ZSCAN31: variants seen among roughly 807,000 people sequenced by gnomAD.
ZSCAN31 encodes zinc finger and SCAN domain containing 31.
ZSCAN31 carries 14 observed loss-of-function variants against 22.5 expected under a neutral mutation model. The observed-to-expected ratio is 0.62, with a 90% CI of 0.41 to 0.97. ZSCAN31 has a LOEUF of 0.97. Ranked by LOEUF, ZSCAN31 falls within the 50% of genes least tolerant of loss-of-function variation. The probability of loss-of-function intolerance (pLI) is 0.00; values close to 1 mark genes in which losing one functional copy is unlikely to be tolerated. For missense variants in ZSCAN31, 424 were observed against 483.4 expected (o/e 0.88, Z 1.15); for synonymous variants, 168 against 169.8 (o/e 0.99, Z 0.08).
chr6:28,355,081 C>A (rs891748875), upstream of ZSCAN31, among the ~76,000 whole-genome samples: 4 of 152,164 alleles, frequency 2.6e-5, no homozygotes, highest in African/African-American at 9.7e-5. Flanking sequence ...TGTACCATGC[C>A]CCATTGGGAA....
At position 28,326,556 on chromosome 6, in the gene ZSCAN31, G is replaced by A; in HGVS notation, c.831C>T (p.Ser277=). The change falls in exon 4 of 4, where the codon AGC becomes AGT. Residue 277 remains serine (S), a synonymous_variant. Transcript: ENST00000344279. ...GATGTTCATTCAGGCTTGACCTCCG[G>A]CTGAAGGCCTTCCCACATTCTTCAC... ...YECEECGKAF[S]RRSSLNEHRR... 1 of 1,614,032 alleles carries A rather than the reference G, an allele frequency of 6.2e-7. No homozygotes were observed. Among genetic ancestry groups the A allele is most frequent in the East Asian group, 2.2e-5 (1 of 44,864 alleles).
chr6:28,344,430 A>T (rs894362654), intron 2 of ZSCAN31, among the ~76,000 whole-genome samples: 123 of 152,200 alleles, frequency 8.1e-4, no homozygotes, highest in African/African-American at 2.8e-3. Flanking sequence ...GGACTAGAGG[A>T]CAGATAAGCT....
chr6:28,343,322 G>C (rs1242080795), intron 2 of ZSCAN31, among the ~76,000 whole-genome samples: 6 of 151,970 alleles, frequency 3.9e-5, no homozygotes, highest in African/African-American at 1.5e-4. Flanking sequence ...AAAATTTTTT[G>C]CATCCCAATG....
chr6:28,329,618 G>A lies in ZSCAN31; in HGVS notation c.66C>T (p.Asp22=). 1.2e-6 allele frequency: 2 copies of A among 1,614,198 alleles called. No individual in the cohort carries two copies. Among genetic ancestry groups the A allele is most frequent in the South Asian group, 1.1e-5 (1 of 91,082 alleles). The part of the protein sequence containing the change: ...IVKVEEDPIW[D]QETHLRGNNF... ...TGTTCCCTCGAAGGTGGGTTTCTTG[G>A]TCCCAGATAGGGTCTTCCTCCACTT... The change falls in exon 2 of 4, where the codon GAC becomes GAT. Residue 22 remains aspartate, a synonymous_variant. Transcript: ENST00000344279.
chr6:28,327,252 T>C (rs1763355304), intron 3 of ZSCAN31, 131 bp downstream of exon 3: 10 of 1,100,702 alleles, frequency 9.1e-6, no homozygotes, highest in Admixed American at 2.3e-5. Flanking sequence ...GACTTGTCCA[T>C]TGTCACAGAA....
chr6:28,336,826 CTT>C (rs1364075876), upstream of ZSCAN31: 1 of 152,234 alleles, frequency 6.6e-6, no homozygotes, highest in African/African-American at 2.4e-5. Flanking sequence ...CCTCTGGTCT[CTT>C]TGACATCACA....
At position 28,327,413 on chromosome 6, in the gene ZSCAN31, A is replaced by T. The variant is rs1301219293; in HGVS notation, c.502T>A (p.Ser168Thr). 2 of 1,613,932 alleles carry T rather than the reference A, an allele frequency of 1.2e-6. No individual in the cohort carries two copies. Among genetic ancestry groups the T allele is most frequent in the East Asian group, 4.5e-5 (2 of 44,874 alleles). ...TCTTGAAATTGGTGGAGGCAAAAAG[A>T]TTCATATCTGAGCTGTGTCACCATA... ...QPMVTQLRYE[S>T]FCLHQFQEQD... The change falls in exon 3 of 4, where the codon TCT (serine) becomes ACT (threonine). Residue 168 changes from serine (S) to threonine (T), a missense_variant. Physicochemically the swap from Ser to Thr is moderately conservative, Grantham distance 58. Transcript: ENST00000344279.
At chr6:28,346,483 G>C (rs1408889756) in intron 2 of ZSCAN31, among the ~76,000 whole-genome samples, 1 of 150,904 alleles carries the variant, frequency 6.6e-6, no homozygotes, top group Non-Finnish European at 1.5e-5. Flanking sequence ...TCAGCCTCCT[G>C]AGTAGCTGGG....
Position 28,347,995 on chromosome 6 carries a change from G to C in ZSCAN31, c.-371+5867C>G. Among the ~76,000 whole-genome samples, 1 of 151,578 alleles carries C rather than the reference G, an allele frequency of 6.6e-6. No homozygotes were observed. Among genetic ancestry groups the C allele is most frequent in the East Asian group, 1.9e-4 (1 of 5,172 alleles). ...ATTAACTGTATATGCTATGTTTATTGGTCATTCGAGATTCCTCTCTGGGAA... is the reference window on the plus strand; with the variant it reads ...ATTAACTGTATATGCTATGTTTATTCGTCATTCGAGATTCCTCTCTGGGAA... On this transcript the variant is annotated intron_variant, in intron 2 of 7. Transcript: ENST00000396838. This position sits in a 1 kb window ranked among gnomAD's most constrained non-coding sequence, Gnocchi z 5.2.
chr6:28,341,038 C>T (rs773105976), upstream of ZSCAN31, among the ~76,000 whole-genome samples: 1 of 152,096 alleles, frequency 6.6e-6, no homozygotes, highest in Non-Finnish European at 1.5e-5. Flanking sequence ...ATTTAAAATT[C>T]TGGGTTAGGA....
At position 28,327,417 on chromosome 6, in the gene ZSCAN31, A is replaced by G. The variant is rs1317889920; in HGVS notation, c.498T>C (p.Tyr166=). 1 of 1,614,058 alleles carries G rather than the reference A, an allele frequency of 6.2e-7. No individual in the cohort carries two copies. Among genetic ancestry groups the G allele is most frequent in the Admixed American group, 1.7e-5 (1 of 60,020 alleles). ...GAAATTGGTGGAGGCAAAAAGATTC[A>G]TATCTGAGCTGTGTCACCATAGGCT... The part of the protein sequence containing the change: ...QLQPMVTQLR[Y]ESFCLHQFQE... Residue 166 remains tyrosine (Y), a synonymous_variant, in exon 3 of 4, where the codon TAT becomes TAC. Transcript: ENST00000344279.
At chr6:28,338,101 T>A (rs897860239), upstream of ZSCAN31, among the ~76,000 whole-genome samples, 2 of 150,912 alleles carry the variant, frequency 1.3e-5, no homozygotes, top group East Asian at 2.0e-4. Flanking sequence ...AAAATGGAGA[T>A]TTAGAATGGA....
At position 28,347,733 on chromosome 6, in the gene ZSCAN31, T is replaced by G. The variant is rs1764699969; in HGVS notation, c.-370-5941A>C. Among the ~76,000 whole-genome samples, 1 of 151,170 alleles carries G rather than the reference T, an allele frequency of 6.6e-6. No homozygotes were observed. The highest frequency in any genetic ancestry group is 2.5e-5 in the African/African-American group (1 of 40,708). ...AACATTTTTGTTTATGTACAAGAGC[T>G]CCTACAGGGTAAGTACTTTGAAGCT... On this transcript the variant is annotated intron_variant, in intron 2 of 7. Transcript: ENST00000396838. The surrounding 1 kb of genome is among the most constrained non-coding windows in gnomAD (Gnocchi z 5.2).
rs1358376961 is a variant in ZSCAN31, at chr6:28,333,908, G to A, written c.-96+2174C>T. The stretch of plus-strand genomic sequence containing the variant: ...AGCTCTGCTACTGGATGGAGAATGA[G>A]CTGAGGGAATGAGGGTAGAGGCAAA... On this transcript the variant is annotated intron_variant, in intron 1 of 3. Coordinates refer to ENST00000344279, the MANE Select transcript of ZSCAN31 (RefSeq NM_030899.5). This position sits in a 1 kb window ranked among gnomAD's most constrained non-coding sequence, Gnocchi z 4.1. Among the ~76,000 whole-genome samples the A allele has an allele frequency of 6.6e-6, 1 of 152,158 alleles. No individual in the cohort carries two copies. Among genetic ancestry groups the A allele is most frequent in the African/African-American group, 2.4e-5 (1 of 41,436 alleles).
chr6:28,345,792 G>C (rs1274378747), intron 2 of ZSCAN31, among the ~76,000 whole-genome samples: 4 of 152,196 alleles, frequency 2.6e-5, no homozygotes, highest in South Asian at 4.1e-4. Context: ...CCAGGAACAT[G>C]CTGGCCAGAT....
chr6:28,333,382 GA>G lies in ZSCAN31; in HGVS notation c.-96+2699del, dbSNP rs1763908896. Among the ~76,000 whole-genome samples, 2 of 152,162 alleles carry G rather than the reference GA, an allele frequency of 1.3e-5. No homozygotes were observed. Among genetic ancestry groups the G allele is most frequent in the Admixed American group, 6.5e-5 (1 of 15,276 alleles). On this transcript the variant is annotated intron_variant, in intron 1 of 3. Coordinates refer to ENST00000344279, the MANE Select transcript of ZSCAN31 (RefSeq NM_030899.5). This position sits in a 1 kb window ranked among gnomAD's most constrained non-coding sequence, Gnocchi z 4.1. ...GGCTGGGCATTAGGGCTACAATGGT[GA>G]AAAAGACGGGACCAGGCCCTGTTTT...
chr6:28,342,981 A>G (rs1295937329), intron 2 of ZSCAN31, among the ~76,000 whole-genome samples: 2 of 152,222 alleles, frequency 1.3e-5, no homozygotes, highest in African/African-American at 4.8e-5. Flanking sequence ...GCTTTTTAGG[A>G]TGAACCTTTT....
rs765142453 is a variant in ZSCAN31, at chr6:28,326,396, C to T, written c.991G>A (p.Ala331Thr). ...KPYECKVCGK[A>T]FLLSSCLVQH... ...ACAAGGCATGAGCTGAGGAGGAAAG[C>T]CTTCCCACACACTTTGCATTCATAT... The change falls in exon 4 of 4, where the codon GCT (alanine) becomes ACT (threonine). Residue 331 changes from alanine to threonine, a missense_variant. By Grantham distance (58) the Ala-to-Thr change is moderately conservative. Transcript: ENST00000344279. 6.2e-7 allele frequency: 1 copy of T among 1,614,140 alleles called. No homozygotes were observed. The highest frequency in any genetic ancestry group is 1.6e-4 in the Middle Eastern group (1 of 6,062).
At chr6:28,328,452 A>G (rs914209418) in intron 2 of ZSCAN31, among the ~76,000 whole-genome samples, 1 of 152,174 alleles carries the variant, frequency 6.6e-6, no homozygotes, top group Non-Finnish European at 1.5e-5. Flanking sequence ...TAATTCAGTG[A>G]TATTTCTCCT....
Sources: gnomAD v4.1 joint callset for allele counts (sites outside exome capture counted in the v4.1 genomes callset) on GRCh38, gnomAD v4.1.1 for gene constraint, Gnocchi (gnomAD v3.1) non-coding constraint, MANE v1.5 for transcripts, NCBI Gene and HGNC (gene_info 2026-07-23, HGNC 2026-07-21) for gene names.